Variants in CLASP1 observed in about 807,000 individuals in gnomAD.
The protein encoded by CLASP1 is cytoplasmic linker associated protein 1.
CLASP1 carries 38 observed loss-of-function variants against 192.3 expected under a neutral mutation model. The observed-to-expected ratio is 0.20, with a 90% CI of 0.15 to 0.26. The LOEUF (loss-of-function observed/expected upper bound fraction) is 0.26, where lower values mean the gene tolerates loss of function less well. Among genes scored for constraint, CLASP1 ranks in the 10% least tolerant of loss-of-function variants. The pLI, the probability that CLASP1 is intolerant of heterozygous loss-of-function variation, is 1.00. For synonymous variants in CLASP1, 691 were observed against 712.8 expected, an observed-to-expected ratio of 0.97 and a Z score of 0.49; for missense variants, 1,433 against 1,932.5, an observed-to-expected ratio of 0.74 and a Z score of 4.85.
At chr2:121,545,330 G>T (rs1044209403) in intron 2 of CLASP1, among the ~76,000 whole-genome samples, 1 of 152,122 alleles carries the variant, frequency 6.6e-6, no homozygotes, top group South Asian at 2.1e-4. Context: ...TCTCCAAAAA[G>T]TTTTTGTTTT....
chr2:121,448,258 C>G lies in CLASP1; in HGVS notation c.1741+18G>C. 2.5e-6 allele frequency: 4 copies of G among 1,611,842 alleles called. No individual in the cohort carries two copies. The highest frequency in any genetic ancestry group is 3.4e-6 in the Non-Finnish European group (4 of 1,177,906). On this transcript the variant is annotated intron_variant, in intron 18 of 39. Transcript: ENST00000263710. Reference sequence around the variant, plus strand: ...ACCAGAGCGGAGAACAGGCCTTCTCCACGGCTGTCAGTCTCACCTCTAGAT... The same window carrying G: ...ACCAGAGCGGAGAACAGGCCTTCTCGACGGCTGTCAGTCTCACCTCTAGAT...
chr2:121,420,021 C>T (rs907348540), intron 22 of CLASP1, among the ~76,000 whole-genome samples: 2 of 151,696 alleles, frequency 1.3e-5, no homozygotes, highest in African/African-American at 2.4e-5. Context: ...AAAAAGAATA[C>T]GAAAGGGAAA....
chr2:121,568,717 A>G (rs1468545164), intron 2 of CLASP1, among the ~76,000 whole-genome samples: 4 of 152,026 alleles, frequency 2.6e-5, no homozygotes, highest in Non-Finnish European at 4.4e-5. Context: ...ACCATTACAA[A>G]TATAGCCATT....
chr2:121,337,950 C>T (rs988659202), exon 40 of CLASP1: 1 of 152,028 alleles, frequency 6.6e-6, no homozygotes, highest in Non-Finnish European at 1.5e-5. Flanking sequence ...AAAGCCCCCC[C>T]CCCCAAAAAA....
At chr2:121,387,292 C>A in intron 31 of CLASP1, 64 bp from the exon 33 acceptor site, 1 of 1,138,136 alleles carries the variant, frequency 8.8e-7, no homozygotes, top group Non-Finnish European at 1.2e-6. Context: ...TCTATTCTTT[C>A]CTTGGTCTTT....
At chr2:121,372,776 T>C (rs920443834) in intron 34 of CLASP1, among the ~76,000 whole-genome samples, 2 of 152,124 alleles carry the variant, frequency 1.3e-5, no homozygotes, top group African/African-American at 4.8e-5. Flanking sequence ...CTTCAATGAC[T>C]CCAGTATCAC....
At chr2:121,385,852 A>G (rs2149374334) in intron 32 of CLASP1, among the ~76,000 whole-genome samples, 1 of 152,358 alleles carries the variant, frequency 6.6e-6, no homozygotes, top group South Asian at 2.1e-4. Context: ...CATCATATTC[A>G]AAAGTCAAGC....
At chr2:121,384,003 TATATACACACAC>T (rs2072449208) in intron 32 of CLASP1, among the ~76,000 whole-genome samples, 1 of 138,164 alleles carries the variant, frequency 7.2e-6, no homozygotes, top group African/African-American at 2.8e-5. Context: ...TATATATATA[TATATACACACAC>T]ACACACACAC....
At chr2:121,479,032 C>CA in intron 8 of CLASP1, among the ~76,000 whole-genome samples, 1 of 83,034 alleles carries the variant, frequency 1.2e-5, no homozygotes, top group South Asian at 4.2e-4. Flanking sequence ...ACACACACAC[C>CA]CCACACACAC....
At chr2:121,451,318 A>C (rs1018075306) in intron 15 of CLASP1, among the ~76,000 whole-genome samples, 3 of 152,242 alleles carry the variant, frequency 2.0e-5, no homozygotes, top group African/African-American at 7.2e-5. Context: ...ACGAACCCAA[A>C]CAACAAAAGC....
intron 9 of CLASP1, among the ~76,000 whole-genome samples, chr2:121,465,020 C>G (rs1236905247): frequency 6.6e-6 from 1 of 152,098 alleles, no homozygotes; most frequent in East Asian, 1.9e-4. Flanking sequence ...GGACGTATCT[C>G]AAAATCATAA....
At chr2:121,398,280 G>GT (rs761842933) in intron 29 of CLASP1, 42 bp downstream of exon 30, 4 of 1,415,426 alleles carry the variant, frequency 2.8e-6, no homozygotes, top group Non-Finnish European at 3.9e-6. Context: ...TTAAACAAAT[G>GT]TGAGTTCCAG....
chr2:121,477,834 C>G (rs1302804680), intron 8 of CLASP1, among the ~76,000 whole-genome samples: 2 of 152,058 alleles, frequency 1.3e-5, no homozygotes, highest in Admixed American at 6.5e-5. Flanking sequence ...AACTGTGTAC[C>G]AGGTCCTGGG....
exon 19 of CLASP1, chr2:121,447,340 A>G: frequency 6.3e-7 from 1 of 1,590,638 alleles, no homozygotes; most frequent in Non-Finnish European, 8.6e-7. Context: ...TGGTTACCTA[A>G]GGATGCGTAT....
intron 33 of CLASP1, among the ~76,000 whole-genome samples, chr2:121,378,483 T>C (rs577063750): frequency 6.6e-6 from 1 of 152,246 alleles, no homozygotes; most frequent in African/African-American, 2.4e-5. Flanking sequence ...GCACTGCAGT[T>C]TGTCAACAAG....
chr2:121,574,682 T>G (rs1390999235), intron 2 of CLASP1, among the ~76,000 whole-genome samples: 2 of 147,836 alleles, frequency 1.4e-5, no homozygotes, highest in Non-Finnish European at 1.5e-5. Flanking sequence ...CTCACGCCTG[T>G]AATCCCAGCA....
At chr2:121,633,349 G>C (rs1245403947) in intron 1 of CLASP1, among the ~76,000 whole-genome samples, 1 of 151,938 alleles carries the variant, frequency 6.6e-6, no homozygotes, top group Non-Finnish European at 1.5e-5. Context: ...TAATAAACTT[G>C]TAACTGCAAT....
chr2:121,521,904 T>C (rs557523433), intron 6 of CLASP1, among the ~76,000 whole-genome samples: 9 of 152,232 alleles, frequency 5.9e-5, no homozygotes, highest in African/African-American at 1.9e-4. Context: ...TTATGGGGCA[T>C]TGGGAACTGC....
In CLASP1 at chr2:121,387,056, A is replaced by G. The variant is rs955710113; in HGVS notation, c.3374+66T>C. On this transcript the variant is annotated intron_variant, in intron 32 of 39. Coordinates refer to ENST00000263710, the Ensembl canonical transcript of CLASP1. ...TAGCTTAGTCTAAAAATCTAGAAAT[A>G]GGATGCACAGCAATTAAGGTGCTTT... The G allele has an allele frequency of 3.6e-5, 46 of 1,272,914 alleles. No individual in the cohort carries two copies. In the Middle Eastern group the frequency reaches 5.9e-4, roughly 16 times the overall value. The allele number at this position is 1,272,914 out of a possible 1,614,324, so 78.9% of individuals were successfully genotyped here. A position where few individuals can be genotyped will look rare whatever the true frequency, so the allele number is the denominator to read the frequency against.
Sources: gnomAD v4.1 joint callset for allele counts (sites outside exome capture counted in the v4.1 genomes callset) on GRCh38, gnomAD v4.1.1 for gene constraint, MANE v1.5 for transcripts, NCBI Gene and HGNC (gene_info 2026-07-23, HGNC 2026-07-21) for gene names.